Variants in MBD5 observed in about 807,000 individuals in gnomAD.
MBD5 encodes the protein methyl-CpG binding domain protein 5, also known as methyl-CpG-binding domain protein 5.
In MBD5, 13 loss-of-function variants were observed where a neutral mutation model predicts 117.3. The ratio of observed to expected loss-of-function variants is 0.11; its 90% CI spans 0.07 to 0.18. The LOEUF (loss-of-function observed/expected upper bound fraction) is 0.18. MBD5 is among the 10% of genes least tolerant of loss of function. The pLI, the probability that MBD5 is intolerant of heterozygous loss-of-function variation, is 1.00. For synonymous variants in MBD5, 727 were observed against 766.4 expected (o/e 0.95, Z 0.85); for missense variants, 1,879 against 2,093.8 (o/e 0.90, Z 2.00).
chr2:148,114,698 A>G (rs538551072), intron 1 of MBD5, among the ~76,000 whole-genome samples: 1 of 152,322 alleles, frequency 6.6e-6, no homozygotes, highest in African/African-American at 2.4e-5. Flanking sequence ...GTGTGCTGTC[A>G]TTAGAAATAA....
At chr2:148,393,714 C>T (rs1704627787) in intron 4 of MBD5, among the ~76,000 whole-genome samples, 1 of 152,158 alleles carries the variant, frequency 6.6e-6, no homozygotes, top group Non-Finnish European at 1.5e-5. Context: ...CTCACTTTAT[C>T]CTGGTTTTGA....
At chr2:148,132,337 T>TATATATATACACATATATATATATAC (rs1558939014) in intron 1 of MBD5, among the ~76,000 whole-genome samples, 2 of 146,190 alleles carry the variant, frequency 1.4e-5, no homozygotes, top group Non-Finnish European at 3.0e-5. Context: ...TATACATATA[T>TATATATATACACATATATATATATAC]ATATATATAT....
chr2:148,466,444 C>A (rs1707261078), intron 7 of MBD5, among the ~76,000 whole-genome samples: 1 of 152,000 alleles, frequency 6.6e-6, no homozygotes, highest in Admixed American at 6.6e-5. Context: ...TATAAAAATT[C>A]CAGTGTCTGT....
chr2:148,266,035 G>A (rs981989899), intron 3 of MBD5, among the ~76,000 whole-genome samples: 5 of 152,132 alleles, frequency 3.3e-5, no homozygotes, highest in African/African-American at 1.2e-4. Context: ...TTCAAGAAAA[G>A]AGGGAAAGCT....
chr2:148,323,381 A>G (rs1179026579), intron 3 of MBD5, among the ~76,000 whole-genome samples: 1 of 151,572 alleles, frequency 6.6e-6, no homozygotes, highest in Non-Finnish European at 1.5e-5. Flanking sequence ...TGGCTGGGTC[A>G]AATGGTATTT....
chr2:148,114,298 C>T lies in MBD5; in HGVS notation c.-924-64402C>T, dbSNP rs999247235. On this transcript the variant is annotated intron_variant, in intron 1 of 13. Coordinates refer to ENST00000642680, the MANE Select transcript of MBD5 (RefSeq NM_001378120.1). ...CAGCCTGGCCAACGTGGTGAAAGTC[C>T]GTCTCTACTAAAAATACAGAAATTA... 1.4e-4 allele frequency among the ~76,000 whole-genome samples: 21 copies of T among 151,998 alleles called. 1 individual carries two copies. Among genetic ancestry groups the T allele is most frequent in the Middle Eastern group, 6.3e-3 (2 of 316 alleles).
intron 1 of MBD5, chr2:148,025,139 T>G (rs996360660): frequency 2.6e-5 from 4 of 152,216 alleles, no homozygotes; most frequent in Non-Finnish European, 4.4e-5. Context: ...ATTAAACATC[T>G]TTTGATCATC....
intron 2 of MBD5, among the ~76,000 whole-genome samples, chr2:148,227,252 A>C (rs561792961): frequency 5.5e-4 from 83 of 152,284 alleles, no homozygotes; most frequent in Non-Finnish European, 9.0e-4. Flanking sequence ...TTTGGGTCTA[A>C]CATGTAAGTC....
At chr2:148,118,237 G>C (rs1696685083) in intron 1 of MBD5, among the ~76,000 whole-genome samples, 2 of 152,100 alleles carry the variant, frequency 1.3e-5, no homozygotes, top group Non-Finnish European at 2.9e-5. Context: ...ATAAGTTAGT[G>C]TCAAAATGTG....
intron 2 of MBD5, among the ~76,000 whole-genome samples, chr2:148,218,040 A>G (rs949121855): frequency 6.6e-6 from 1 of 152,250 alleles, no homozygotes; most frequent in Non-Finnish European, 1.5e-5. Flanking sequence ...AAGAATTTTA[A>G]TATGTGCCAG....
At chr2:148,147,387 A>G (rs528214545) in intron 1 of MBD5, among the ~76,000 whole-genome samples, 26 of 151,336 alleles carry the variant, frequency 1.7e-4, no homozygotes, top group African/African-American at 5.6e-4. Context: ...GACTACAAGC[A>G]TGCACCACCC....
chr2:148,243,220 A>G (rs994901302), intron 3 of MBD5, among the ~76,000 whole-genome samples: 2 of 152,004 alleles, frequency 1.3e-5, no homozygotes, highest in Non-Finnish European at 2.9e-5. Flanking sequence ...AGCAAAGTAT[A>G]GTGTCAGTCC....
intron 1 of MBD5, among the ~76,000 whole-genome samples, chr2:148,150,762 GA>G (rs201685627): frequency 0.013 from 1,913 of 152,244 alleles, 46 homozygotes; most frequent in African/African-American, 0.043. Flanking sequence ...TGGTGCATAA[GA>G]ATGCTTGTGA....
At chr2:148,148,155 TGAGTCAGCTG>T in intron 1 of MBD5, among the ~76,000 whole-genome samples, 1 of 152,324 alleles carries the variant, frequency 6.6e-6, no homozygotes, top group East Asian at 1.9e-4. Context: ...AAGGCAGTTC[TGAGTCAGCTG>T]AAGTGAAGCC....
chr2:148,069,007 T>C (rs1203579557), intron 1 of MBD5, among the ~76,000 whole-genome samples: 1 of 152,238 alleles, frequency 6.6e-6, no homozygotes, highest in East Asian at 1.9e-4. Flanking sequence ...GTTTTTCTAG[T>C]AGTACAGGAT....
intron 1 of MBD5, among the ~76,000 whole-genome samples, chr2:148,154,438 C>A (rs1360723356): frequency 2.2e-4 from 34 of 152,058 alleles, no homozygotes; most frequent in Admixed American, 1.8e-3. Context: ...GGCAGGCCTC[C>A]TTGAGCTGTG....
chr2:148,145,017 G>T (rs764267254), intron 1 of MBD5, among the ~76,000 whole-genome samples: 1 of 152,268 alleles, frequency 6.6e-6, no homozygotes, highest in Middle Eastern at 3.4e-3. Flanking sequence ...GGATGGCATC[G>T]AATCTATAAA....
intron 3 of MBD5, among the ~76,000 whole-genome samples, chr2:148,252,286 A>G (rs1700484695): frequency 6.6e-6 from 1 of 151,734 alleles, no homozygotes; most frequent in African/African-American, 2.4e-5. Context: ...ATAGCTAGAC[A>G]CCCTCTCTAC....
intron 2 of MBD5, among the ~76,000 whole-genome samples, chr2:148,224,873 A>G (rs1203874087): frequency 6.6e-6 from 1 of 151,996 alleles, no homozygotes; most frequent in Non-Finnish European, 1.5e-5. Flanking sequence ...TGATAAAAGT[A>G]TGGCCACTCC....
Sources: gnomAD v4.1 joint callset for allele counts (sites outside exome capture counted in the v4.1 genomes callset) on GRCh38, gnomAD v4.1.1 for gene constraint, MANE v1.5 for transcripts, NCBI Gene and HGNC (gene_info 2026-07-23, HGNC 2026-07-21) for gene names.